GLCCI1: variants seen among roughly 807,000 people sequenced by gnomAD.
GLCCI1 encodes glucocorticoid induced 1.
GLCCI1 carries 24 observed loss-of-function variants against 52.2 expected under a neutral mutation model. That is an observed-to-expected ratio of 0.46 (90% CI 0.33 to 0.65). The LOEUF is 0.65. Ranked by LOEUF, GLCCI1 falls within the 30% of genes least tolerant of loss-of-function variation. The pLI, the probability that GLCCI1 is intolerant of heterozygous loss-of-function variation, is 0.02. For missense variants in GLCCI1, 704 were observed against 701.5 expected (o/e 1.00, Z -0.04); for synonymous variants, 310 against 276.5 (o/e 1.12, Z -1.20).
intron 6 of GLCCI1, among the ~76,000 whole-genome samples, chr7:8,076,812 C>A (rs1182697715): frequency 6.6e-6 from 1 of 152,078 alleles, no homozygotes; most frequent in South Asian, 2.1e-4. Flanking sequence ...TAGTGCCTAG[C>A]ATGGTGTAGT....
chr7:8,014,983 T>A (rs1192400710), intron 2 of GLCCI1, among the ~76,000 whole-genome samples: 1 of 152,196 alleles, frequency 6.6e-6, no homozygotes, highest in African/African-American at 2.4e-5. Flanking sequence ...CTCATTAGAC[T>A]TCAGTCTATG....
In GLCCI1 at chr7:7,969,276, G is replaced by A; in HGVS notation, c.-75G>A. On this transcript the variant is annotated 5_prime_UTR_variant, in exon 1 of 8. Transcript: ENST00000223145. This position sits in a 1 kb window ranked among gnomAD's most constrained non-coding sequence, Gnocchi z 4.9. ...CACACTCGCACGCACTATCGCGCCG[G>A]CTCCCACACGCTCGCGCGCCTCCCG... The A allele has an allele frequency of 8.0e-7, 1 of 1,252,758 alleles. No homozygotes were observed. Among genetic ancestry groups the A allele is most frequent in the South Asian group, 1.6e-5 (1 of 61,706 alleles). 77.6% of individuals were successfully genotyped at this position (1,252,758 alleles called of 1,614,324 possible). A position where few individuals can be genotyped will look rare whatever the true frequency, so the allele number is the denominator to read the frequency against.
At chr7:8,002,359 A>G (rs1358407274) in intron 1 of GLCCI1, among the ~76,000 whole-genome samples, 1 of 152,184 alleles carries the variant, frequency 6.6e-6, no homozygotes, top group East Asian at 1.9e-4. Flanking sequence ...ACGTTTATAA[A>G]AAATGACCAT....
intron 2 of GLCCI1, among the ~76,000 whole-genome samples, chr7:8,015,636 T>G (rs1781363068): frequency 6.6e-6 from 1 of 152,210 alleles, no homozygotes; most frequent in Non-Finnish European, 1.5e-5. Flanking sequence ...ATTAGTCATG[T>G]TCCTGGTTTA....
rs903150739 is a variant in GLCCI1 at position 8,087,959 on chromosome 7, T to C, written c.*1421T>C. The C allele has an allele frequency of 6.6e-6, 1 of 152,502 alleles. No individual in the cohort carries two copies. The highest frequency in any genetic ancestry group is 1.9e-4 in the East Asian group (1 of 5,200). The allele number at this position is 152,502 out of a possible 1,614,324, so 9.4% of individuals were successfully genotyped here. On this transcript the variant is annotated 3_prime_UTR_variant, in exon 8 of 8. Coordinates refer to ENST00000223145, the MANE Select transcript of GLCCI1 (RefSeq NM_138426.4). Reference sequence around the variant, plus strand: ...ATGGGAGAGCCTAACTTTCATTGTTTTCTTCAGTACAAAGAGTATCCAAAA... The same window carrying C: ...ATGGGAGAGCCTAACTTTCATTGTTCTCTTCAGTACAAAGAGTATCCAAAA...
intron 3 of GLCCI1, among the ~76,000 whole-genome samples, chr7:8,027,228 C>T (rs1352090748): frequency 1.3e-5 from 2 of 152,234 alleles, no homozygotes. Flanking sequence ...AAACTCACGC[C>T]TGTAATCCCA....
intron 3 of GLCCI1, among the ~76,000 whole-genome samples, chr7:8,054,489 A>C (rs749887004): frequency 2.0e-5 from 3 of 152,142 alleles, no homozygotes; most frequent in Non-Finnish European, 4.4e-5. Flanking sequence ...TTTCTCTTCT[A>C]TTAACCACAG....
At chr7:8,051,643 G>A (rs1261592635) in intron 3 of GLCCI1, among the ~76,000 whole-genome samples, 2 of 152,202 alleles carry the variant, frequency 1.3e-5, no homozygotes, top group East Asian at 1.9e-4. Context: ...GTTGTTTCAC[G>A]TCTTAGTCAT....
intron 3 of GLCCI1, among the ~76,000 whole-genome samples, chr7:8,028,950 C>T (rs1327112245): frequency 1.3e-5 from 2 of 152,014 alleles, no homozygotes; most frequent in Non-Finnish European, 2.9e-5. Flanking sequence ...GAGATTGAAC[C>T]CATACTAAAA....
intron 5 of GLCCI1, among the ~76,000 whole-genome samples, chr7:8,063,884 G>T (rs1479463399): frequency 2.6e-5 from 4 of 152,030 alleles, no homozygotes; most frequent in Admixed American, 2.6e-4. Flanking sequence ...GCCTCCCAAA[G>T]TGCTAGGATT....
chr7:7,969,700 C>T lies in GLCCI1; in HGVS notation c.350C>T (p.Pro117Leu), dbSNP rs564447167. The T allele has an allele frequency of 8.7e-6, 11 of 1,263,220 alleles. No homozygotes were observed. The African/African-American group carries it at 1.8e-4, about 20-fold the overall frequency. The allele number at this position is 1,263,220 out of a possible 1,614,324, so 78.3% of individuals were successfully genotyped here. ...CCGACGCCGCCGGCGGCCGCAGCCC[C>T]GGCCGAGCAGGCGCCGCGGGCCAAG... ...SSPTPPAAAA[P>L]AEQAPRAKGR... Residue 117 changes from proline to leucine, a missense_variant, in exon 1 of 8, where the codon CCG becomes CTG. Transcript: ENST00000223145. This position sits in a 1 kb window ranked among gnomAD's most constrained non-coding sequence, Gnocchi z 4.9.
intron 2 of GLCCI1, among the ~76,000 whole-genome samples, chr7:8,018,942 G>A (rs1191897522): frequency 1.3e-5 from 2 of 152,294 alleles, no homozygotes; most frequent in Admixed American, 6.5e-5. Context: ...GGAAGGGGCT[G>A]CTTGCTGATA....
At chr7:7,970,863 T>C (rs1009048096) in intron 1 of GLCCI1, among the ~76,000 whole-genome samples, 5 of 151,984 alleles carry the variant, frequency 3.3e-5, no homozygotes, top group Non-Finnish European at 5.9e-5. Flanking sequence ...CAGATCATAC[T>C]GGGTGGAAAA....
intron 2 of GLCCI1, among the ~76,000 whole-genome samples, chr7:8,008,784 T>TA (rs1480317017): frequency 6.6e-6 from 1 of 152,118 alleles, no homozygotes; most frequent in East Asian, 1.9e-4. Context: ...TTGAAATGAA[T>TA]AAAAAATAAG....
intron 3 of GLCCI1, among the ~76,000 whole-genome samples, chr7:8,044,946 G>A (rs888067416): frequency 1.3e-5 from 2 of 152,190 alleles, no homozygotes; most frequent in African/African-American, 4.8e-5. Flanking sequence ...AATGTTGTCA[G>A]TAGATTCTTG....
intron 1 of GLCCI1, among the ~76,000 whole-genome samples, chr7:7,984,491 A>T (rs1780682252): frequency 6.6e-6 from 1 of 152,232 alleles, no homozygotes; most frequent in African/African-American, 2.4e-5. Context: ...GGAGAATGTG[A>T]ATTATATATT....
At chr7:8,067,411 A>G (rs1782654489) in intron 5 of GLCCI1, among the ~76,000 whole-genome samples, 1 of 152,020 alleles carries the variant, frequency 6.6e-6, no homozygotes, top group African/African-American at 2.4e-5. Flanking sequence ...ATGATCCTTC[A>G]TTGTGTTGTT....
At chr7:8,045,982 A>G (rs1782115741) in intron 3 of GLCCI1, among the ~76,000 whole-genome samples, 1 of 152,044 alleles carries the variant, frequency 6.6e-6, no homozygotes, top group African/African-American at 2.4e-5. Context: ...AAAACCTTAT[A>G]AATGTTTAAG....
At chr7:8,038,720 T>A (rs1781925442) in intron 3 of GLCCI1, among the ~76,000 whole-genome samples, 1 of 152,098 alleles carries the variant, frequency 6.6e-6, no homozygotes, top group African/African-American at 2.4e-5. Flanking sequence ...GCAAAAAATT[T>A]ATGAGTAAGA....
Sources: gnomAD v4.1 joint callset for allele counts (sites outside exome capture counted in the v4.1 genomes callset) on GRCh38, gnomAD v4.1.1 for gene constraint, Gnocchi (gnomAD v3.1) non-coding constraint, MANE v1.5 for transcripts, NCBI Gene and HGNC (gene_info 2026-07-23, HGNC 2026-07-21) for gene names.